ZNF827: variants seen among roughly 807,000 people sequenced by gnomAD.
ZNF827 encodes the protein zinc finger protein 827.
In ZNF827, 13 loss-of-function variants were observed where a neutral mutation model predicts 102.4. The observed-to-expected ratio is 0.13, with a 90% CI of 0.08 to 0.20. ZNF827 has a LOEUF of 0.20. ZNF827 is among the 10% of genes least tolerant of loss of function. The probability of loss-of-function intolerance (pLI) is 1.00; values close to 1 mark genes in which losing one functional copy is unlikely to be tolerated. For synonymous variants in ZNF827, 523 were observed against 536.2 expected (o/e 0.98, Z 0.34); for missense variants, 1,103 against 1,344.4 (o/e 0.82, Z 2.81).
chr4:145,928,476 G>A (rs1024021839), intron 1 of ZNF827, among the ~76,000 whole-genome samples: 1 of 152,166 alleles, frequency 6.6e-6, no homozygotes, highest in African/African-American at 2.4e-5. Context: ...ATCCTCAGTT[G>A]ACATGAATTC....
intron 7 of ZNF827, among the ~76,000 whole-genome samples, chr4:145,840,786 T>C (rs1379082062): frequency 6.6e-6 from 1 of 152,252 alleles, no homozygotes; most frequent in Non-Finnish European, 1.5e-5. Context: ...TTTCTATTAC[T>C]GAATCATAAA....
intron 1 of ZNF827, among the ~76,000 whole-genome samples, chr4:145,920,132 T>C (rs889085666): frequency 4.6e-5 from 7 of 152,224 alleles, no homozygotes; most frequent in African/African-American, 1.4e-4. Flanking sequence ...TTTCCCTTTT[T>C]CCCAGGCACC....
In ZNF827 at chr4:145,759,261, A is replaced by T. The variant is rs963392088; in HGVS notation, c.*2355T>A. ...TGTTTTAAAAATACAAGCAATGAAC[A>T]TATTCAGCCAAAGATTTTTTTCCTT... On this transcript the variant is annotated 3_prime_UTR_variant, in exon 15 of 15. Transcript: ENST00000508784. The T allele has an allele frequency of 1.2e-4, 19 of 152,236 alleles. No individual in the cohort carries two copies. Among genetic ancestry groups the T allele is most frequent in the African/African-American group, 4.6e-4 (19 of 41,460 alleles). The allele number at this position is 152,236 out of a possible 1,614,324, so 9.4% of individuals were successfully genotyped here. A position where few individuals can be genotyped will look rare whatever the true frequency, so the allele number is the denominator to read the frequency against.
intron 1 of ZNF827, among the ~76,000 whole-genome samples, chr4:145,927,429 G>A (rs1300983687): frequency 1.3e-5 from 2 of 152,208 alleles, no homozygotes; most frequent in East Asian, 3.8e-4. Flanking sequence ...AAAACAGAGA[G>A]TAGGACCAAT....
At chr4:145,818,992 T>A (rs1290143506) in intron 8 of ZNF827, among the ~76,000 whole-genome samples, 1 of 152,168 alleles carries the variant, frequency 6.6e-6, no homozygotes, top group Non-Finnish European at 1.5e-5. Context: ...GCATAGCAGG[T>A]CCTGAAAGAA....
chr4:145,860,764 G>A (rs1237420510), intron 5 of ZNF827, among the ~76,000 whole-genome samples: 1 of 152,188 alleles, frequency 6.6e-6, no homozygotes, highest in Non-Finnish European at 1.5e-5. Context: ...TAGAAGGGAA[G>A]ACAAAGATCC....
intron 1 of ZNF827, among the ~76,000 whole-genome samples, chr4:145,907,735 TC>T (rs1164905772): frequency 6.6e-6 from 1 of 152,180 alleles, no homozygotes; most frequent in Non-Finnish European, 1.5e-5. Flanking sequence ...GAAAGCTATT[TC>T]CATTGCTAAT....
intron 5 of ZNF827, among the ~76,000 whole-genome samples, chr4:145,863,409 G>A (rs368947667): frequency 3.6e-4 from 55 of 152,270 alleles, no homozygotes; most frequent in African/African-American, 1.0e-3. Context: ...ATATACCCAA[G>A]AGAATTAAAA....
At chr4:145,916,718 A>G (rs904648540) in intron 1 of ZNF827, among the ~76,000 whole-genome samples, 1 of 152,094 alleles carries the variant, frequency 6.6e-6, no homozygotes, top group African/African-American at 2.4e-5. Context: ...TTTCCCTTTT[A>G]ATTATAAATT....
chr4:145,787,864 C>T (rs889392997), intron 8 of ZNF827, among the ~76,000 whole-genome samples: 2 of 152,124 alleles, frequency 1.3e-5, no homozygotes, highest in Non-Finnish European at 2.9e-5. Context: ...CCCCAGGGCA[C>T]CCCACATCTT....
chr4:145,907,295 G>T (rs1265877016), intron 1 of ZNF827: 1 of 444,502 alleles, frequency 2.2e-6, no homozygotes, highest in East Asian at 7.0e-5. Flanking sequence ...TCTAGCTATG[G>T]TGAGCTCTCC....
chr4:145,926,742 A>G (rs1753456776), intron 1 of ZNF827, among the ~76,000 whole-genome samples: 1 of 152,198 alleles, frequency 6.6e-6, no homozygotes, highest in African/African-American at 2.4e-5. Context: ...AAATAAATTA[A>G]TAGTTAATAT....
chr4:145,885,652 GAGAGAAT>G lies in ZNF827; in HGVS notation c.1747+19_1747+25del, dbSNP rs1750057121. The G allele has an allele frequency of 8.6e-7, 1 of 1,161,084 alleles. No individual in the cohort carries two copies. The highest frequency in any genetic ancestry group is 1.2e-6 in the Non-Finnish European group (1 of 849,022). 71.9% of individuals were successfully genotyped at this position (1,161,084 alleles called of 1,614,324 possible). A position where few individuals can be genotyped will look rare whatever the true frequency, so the allele number is the denominator to read the frequency against. ...AGAGAGAGAGAGAGAGAGAGAGAGA[GAGAGAAT>G]ACAACCCTATTCAAGTACCTGACAG... On this transcript the variant is annotated intron_variant, in intron 4 of 14. Transcript: ENST00000508784.
At chr4:145,936,185 C>T (rs546109701) in intron 1 of ZNF827, among the ~76,000 whole-genome samples, 1 of 152,032 alleles carries the variant, frequency 6.6e-6, no homozygotes, top group South Asian at 2.1e-4. Context: ...CCCCCACACG[C>T]CCCCGACAAG....
chr4:145,917,272 A>C (rs1447273701), intron 1 of ZNF827, among the ~76,000 whole-genome samples: 1 of 152,230 alleles, frequency 6.6e-6, no homozygotes, highest in African/African-American at 2.4e-5. Flanking sequence ...CTATAACAAA[A>C]CACGCACGAC....
intron 8 of ZNF827, among the ~76,000 whole-genome samples, chr4:145,788,184 G>T (rs1739166211): frequency 1.3e-5 from 2 of 152,082 alleles, no homozygotes; most frequent in Admixed American, 1.3e-4. Context: ...TTAGTGCTAG[G>T]TAACAGCTTA....
intron 4 of ZNF827, among the ~76,000 whole-genome samples, chr4:145,880,424 G>GT (rs1278305628): frequency 7.2e-5 from 11 of 152,296 alleles, no homozygotes; most frequent in African/African-American, 1.9e-4. Flanking sequence ...AGTAACTAGC[G>GT]TAAGAACTCT....
chr4:145,817,300 C>T (rs1302289620), intron 8 of ZNF827, among the ~76,000 whole-genome samples: 1 of 152,124 alleles, frequency 6.6e-6, no homozygotes, highest in African/African-American at 2.4e-5. Flanking sequence ...TTCTCCTGTG[C>T]TAGCATATAG....
intron 1 of ZNF827, among the ~76,000 whole-genome samples, chr4:145,937,742 A>G (rs1360835799): frequency 2.7e-5 from 3 of 111,120 alleles, no homozygotes; most frequent in Non-Finnish European, 5.4e-5. Context: ...CTCCTGCTCC[A>G]GCCGCCGCCG....
Sources: gnomAD v4.1 joint callset for allele counts (sites outside exome capture counted in the v4.1 genomes callset) on GRCh38, gnomAD v4.1.1 for gene constraint, MANE v1.5 for transcripts, NCBI Gene and HGNC (gene_info 2026-07-23, HGNC 2026-07-21) for gene names.